ANKRD6: variants seen among roughly 807,000 people sequenced by gnomAD.
The protein encoded by ANKRD6 is ankyrin repeat domain-containing protein 6.
ANKRD6 carries 56 observed loss-of-function variants against 82.3 expected under a neutral mutation model. The ratio of observed to expected loss-of-function variants is 0.68; its 90% CI spans 0.55 to 0.85. ANKRD6 has a LOEUF of 0.85. ANKRD6 is among the 40% of genes least tolerant of loss of function. The pLI is 0.00. For synonymous variants in ANKRD6, 347 were observed against 352.1 expected (o/e 0.99, Z 0.16); for missense variants, 852 against 907.6 (o/e 0.94, Z 0.79).
chr6:89,616,784 C>A, intron 8 of ANKRD6, 127 bp downstream of exon 8: 1 of 940,488 alleles, frequency 1.1e-6, no homozygotes, highest in Non-Finnish European at 1.7e-6. Context: ...CTGCTGGAAC[C>A]ACAGCCCCCA....
intron 7 of ANKRD6, among the ~76,000 whole-genome samples, chr6:89,614,359 A>C (rs1800971845): frequency 6.6e-6 from 1 of 152,022 alleles, no homozygotes; most frequent in African/African-American, 2.4e-5. Context: ...TTTTTTAAAA[A>C]TTTGGCCGGC....
At chr6:89,622,059 C>T in intron 10 of ANKRD6, 33 bp downstream of exon 10, 1 of 1,592,324 alleles carries the variant, frequency 6.3e-7, no homozygotes, top group East Asian at 2.2e-5. Context: ...TCCCCACATC[C>T]ACCCATGCTC....
intron 1 of ANKRD6, among the ~76,000 whole-genome samples, chr6:89,549,043 C>CA (rs1190097403): frequency 6.6e-6 from 1 of 151,928 alleles, no homozygotes; most frequent in Non-Finnish European, 1.5e-5. Flanking sequence ...CCTGTCTCAA[C>CA]AAAAAATACA....
At position 89,629,190 on chromosome 6, in the gene ANKRD6, A is replaced by G. The variant is rs751848946; in HGVS notation, c.1564A>G (p.Arg522Gly). 6.2e-7 allele frequency: 1 copy of G among 1,613,850 alleles called. No homozygotes were observed. The highest frequency in any genetic ancestry group is 8.5e-7 in the Non-Finnish European group (1 of 1,179,860). ...GGAGCAGAAGCTTTCTGGAGATTCT[A>G]GGGCCTGCAGAGCTAAATCCACACC... The part of the protein sequence containing the change: ...NLEQKLSGDS[R>G]ACRAKSTPST... Residue 522 changes from arginine (R) to glycine (G), a missense_variant, in exon 15 of 16, where the codon AGG (arginine) becomes GGG (glycine). By Grantham distance (125) the Arg-to-Gly change is moderately radical. Coordinates refer to ENST00000339746, the MANE Select transcript of ANKRD6 (RefSeq NM_001242809.2).
In ANKRD6 at chr6:89,616,319, A is replaced by T; in HGVS notation, c.616-240A>T. On this transcript the variant is annotated intron_variant, in intron 7 of 15. Coordinates refer to ENST00000339746, the MANE Select transcript of ANKRD6 (RefSeq NM_001242809.2). ...CAGCATTACTTTGCCCCTGCGTTTA[A>T]TCCTGCTGCGTGATTTCAGGTATCC... 5.6e-6 allele frequency: 3 copies of T among 532,780 alleles called. No homozygotes were observed. The South Asian group carries it at 6.8e-5, about 12-fold the overall frequency. 33.0% of individuals were successfully genotyped at this position (532,780 alleles called of 1,614,324 possible). A position where few individuals can be genotyped will look rare whatever the true frequency, so the allele number is the denominator to read the frequency against.
At chr6:89,465,366 C>A (rs1774725156) in intron 1 of ANKRD6, among the ~76,000 whole-genome samples, 3 of 151,954 alleles carry the variant, frequency 2.0e-5, no homozygotes, top group African/African-American at 7.3e-5. Context: ...AGTGATCCGC[C>A]CACCTCAGCC....
chr6:89,446,911 TGAA>T (rs1158929162), intron 1 of ANKRD6, among the ~76,000 whole-genome samples: 1 of 152,202 alleles, frequency 6.6e-6, no homozygotes, highest in Admixed American at 6.5e-5. Context: ...TGCTGCCATG[TGAA>T]GAAGGAGGTG....
At chr6:89,584,133 G>A (rs528846161) in intron 2 of ANKRD6, among the ~76,000 whole-genome samples, 1 of 152,284 alleles carries the variant, frequency 6.6e-6, no homozygotes, top group South Asian at 2.1e-4. Flanking sequence ...GGCACAGCTG[G>A]GTGTCAGCGT....
At chr6:89,480,444 C>CCCT (rs1776651232) in intron 1 of ANKRD6, among the ~76,000 whole-genome samples, 1 of 151,962 alleles carries the variant, frequency 6.6e-6, no homozygotes, top group South Asian at 2.1e-4. Flanking sequence ...TTGTATTGTT[C>CCCT]CCTTCATCTC....
chr6:89,607,932 C>T (rs1328830364), intron 5 of ANKRD6, among the ~76,000 whole-genome samples: 2 of 107,044 alleles, frequency 1.9e-5, no homozygotes, highest in Non-Finnish European at 3.9e-5. Flanking sequence ...GCCCCCACGC[C>T]TGGCTAATTT....
At chr6:89,630,330 C>A in intron 15 of ANKRD6, 103 bp from the exon 16 acceptor site, 1 of 1,355,108 alleles carries the variant, frequency 7.4e-7, no homozygotes, top group Non-Finnish European at 9.9e-7. Context: ...ATGGAGAAGG[C>A]TGGTGATATA....
intron 1 of ANKRD6, among the ~76,000 whole-genome samples, chr6:89,540,027 C>G (rs1344171984): frequency 6.6e-6 from 1 of 152,150 alleles, no homozygotes; most frequent in East Asian, 1.9e-4. Flanking sequence ...GTTATCCATT[C>G]ATCTGTTGAT....
intron 2 of ANKRD6, among the ~76,000 whole-genome samples, chr6:89,571,387 C>A (rs1228140344): frequency 6.6e-6 from 1 of 152,060 alleles, no homozygotes; most frequent in Non-Finnish European, 1.5e-5. Flanking sequence ...ATTTGCATGT[C>A]TCTGATTATT....
intron 3 of ANKRD6, among the ~76,000 whole-genome samples, chr6:89,600,726 A>G (rs1039114122): frequency 3.3e-5 from 5 of 152,106 alleles, no homozygotes; most frequent in African/African-American, 1.2e-4. Context: ...TGGAAATCTT[A>G]CGGAAATTTT....
chr6:89,486,954 G>T (rs1049141767), intron 1 of ANKRD6, among the ~76,000 whole-genome samples: 7 of 152,166 alleles, frequency 4.6e-5, no homozygotes, highest in African/African-American at 9.7e-5. Context: ...GGGGATTAGG[G>T]TTTAAACATA....
At chr6:89,481,201 A>G (rs1776766705) in intron 1 of ANKRD6, among the ~76,000 whole-genome samples, 1 of 152,228 alleles carries the variant, frequency 6.6e-6, no homozygotes, top group South Asian at 2.1e-4. Flanking sequence ...CTTAAAGATA[A>G]AACAAAAACG....
intron 1 of ANKRD6, among the ~76,000 whole-genome samples, chr6:89,547,489 CT>C (rs1468933010): frequency 6.6e-6 from 1 of 152,178 alleles, no homozygotes; most frequent in Non-Finnish European, 1.5e-5. Context: ...GGGGTGTCAC[CT>C]GCCTCTGGGG....
intron 1 of ANKRD6, among the ~76,000 whole-genome samples, chr6:89,491,526 A>G (rs1272635367): frequency 2.6e-5 from 4 of 152,034 alleles, no homozygotes; most frequent in Non-Finnish European, 2.9e-5. Context: ...TTCTCAGCAA[A>G]CTATTGCAAG....
At chr6:89,477,865 TATAC>T (rs1776264093) in intron 1 of ANKRD6, among the ~76,000 whole-genome samples, 1 of 151,758 alleles carries the variant, frequency 6.6e-6, no homozygotes, top group Non-Finnish European at 1.5e-5. Flanking sequence ...AGTCTTACCA[TATAC>T]ATACATTGAT....
Sources: gnomAD v4.1 joint callset for allele counts (sites outside exome capture counted in the v4.1 genomes callset) on GRCh38, gnomAD v4.1.1 for gene constraint, MANE v1.5 for transcripts, NCBI Gene and HGNC (gene_info 2026-07-23, HGNC 2026-07-21) for gene names.